Variants in MYO15B observed in about 807,000 individuals in gnomAD.
MYO15B encodes the protein myosin XVB pseudogene.
A neutral mutation model predicts 119.3 loss-of-function variants in MYO15B; 207 were observed. That is an observed-to-expected ratio of 1.73 (90% CI 1.55 to 1.95). The LOEUF (loss-of-function observed/expected upper bound fraction) is 1.95, where lower values mean the gene tolerates loss of function less well. MYO15B is among the 30% of genes most tolerant of loss of function. MYO15B has a pLI of 0.00. For synonymous variants in MYO15B, 966 were observed against 498.9 expected (o/e 1.94, Z -12.48); for missense variants, 2,264 against 1,203.1 (o/e 1.88, Z -13.04).
intron 14 of MYO15B, among the ~76,000 whole-genome samples, chr17:75,600,039 T>C (rs1045079053): frequency 6.7e-6 from 1 of 149,514 alleles, no homozygotes; most frequent in African/African-American, 2.5e-5. Context: ...CTTTTTTTTT[T>C]TTGAGACAGA....
At chr17:75,611,537 G>C (rs2058029982) in intron 23 of MYO15B, 64 bp from the exon 24 acceptor site, 1 of 698,168 alleles carries the variant, frequency 1.4e-6, no homozygotes, top group South Asian at 1.5e-5. Flanking sequence ...TTGAGGGTGT[G>C]GGGAGGGACA....
chr17:75,621,106 T>C, exon 50 of MYO15B: 1 of 702,852 alleles, frequency 1.4e-6, no homozygotes, highest in East Asian at 2.7e-5. Context: ...GGCCTATGCC[T>C]TTCTGCCCGA....
At chr17:75,604,876 C>T (rs1319244333) in intron 19 of MYO15B, among the ~76,000 whole-genome samples, 4 of 152,276 alleles carry the variant, frequency 2.6e-5, no homozygotes, top group East Asian at 1.9e-4. Context: ...CAGTGGCTCA[C>T]GCCTGTAATC....
intron 37 of MYO15B, 39 bp from the exon 38 acceptor site, chr17:75,616,273 C>G (rs1261753521): frequency 3.4e-6 from 2 of 596,548 alleles, no homozygotes; most frequent in Non-Finnish European, 6.0e-6. Flanking sequence ...CCAGCTGGGC[C>G]AGTATGGGTA....
Position 75,626,471 on chromosome 17 carries a change from C to G in MYO15B, c.9278C>G (p.Pro3093Arg), listed in dbSNP as rs574611587. 55 of 703,236 alleles carry G rather than the reference C, an allele frequency of 7.8e-5. No homozygotes were observed. In the Middle Eastern group the frequency reaches 1.1e-3, roughly 15 times the overall value. 43.6% of individuals were successfully genotyped at this position (703,236 alleles called of 1,614,324 possible). Reference sequence around the variant, plus strand: ...AGCAGTGCCTCTTGCACTGAGTGGCCCAGCATCAACTGAGAGGAGTGCAGG... The same window carrying G: ...AGCAGTGCCTCTTGCACTGAGTGGCGCAGCATCAACTGAGAGGAGTGCAGG... The change falls in exon 64 of 64, where the codon CCC (proline) becomes CGC (arginine). Residue 3093 changes from proline to arginine, a missense_variant. Physicochemically the swap from Pro to Arg is moderately radical, Grantham distance 103. Coordinates refer to ENST00000645453, the Ensembl canonical transcript of MYO15B.
At position 75,589,433 on chromosome 17, in the gene MYO15B, G is replaced by T. The variant is rs1389154710; in HGVS notation, c.1376G>T (p.Gly459Val). 3 of 395,170 alleles carry T rather than the reference G, an allele frequency of 7.6e-6. No individual in the cohort carries two copies. Among genetic ancestry groups the T allele is most frequent in the African/African-American group, 2.1e-5 (1 of 48,472 alleles). 24.5% of individuals were successfully genotyped at this position (395,170 alleles called of 1,614,324 possible). Residue 459 changes from glycine to valine, a missense_variant, in exon 1 of 64, where the codon GGG becomes GTG. Coordinates refer to ENST00000645453, the Ensembl canonical transcript of MYO15B. This position sits in a 1 kb window ranked among gnomAD's most constrained non-coding sequence, Gnocchi z 4.2. ...CGGGGCCACGAGCGAGGGTACGAGGGGCGGGGCTGCGGGAAAGCGGACGAG... is the reference window on the plus strand; with the variant it reads ...CGGGGCCACGAGCGAGGGTACGAGGTGCGGGGCTGCGGGAAAGCGGACGAG...
chr17:75,594,331 G>T (rs1411764100), intron 9 of MYO15B, 144 bp from the exon 10 acceptor site: 1 of 502,856 alleles, frequency 2.0e-6, no homozygotes, highest in Admixed American at 3.7e-5. Flanking sequence ...CCATAGCCTC[G>T]CTCCTAATGG....
At position 75,613,752 on chromosome 17, in the gene MYO15B, C is replaced by A. The variant is rs139523993; in HGVS notation, c.5194C>A (p.Leu1732Met). 3.8e-3 allele frequency: 2,681 copies of A among 702,458 alleles called. 36 individuals are homozygous for A. The highest frequency in any genetic ancestry group is 0.019 in the African/African-American group (1,112 of 57,350). The allele number at this position is 702,458 out of a possible 1,614,324, so 43.5% of individuals were successfully genotyped here. ...GGAGTCTTGGACCACCGGGGAGCAG[C>A]TGGCTGGGTGGATCCTGCAGAGCAG... Residue 1732 changes from leucine to methionine, a missense_variant, in exon 29 of 64, where the codon CTG (leucine) becomes ATG (methionine). Physicochemically the swap from Leu to Met is conservative, Grantham distance 15 (BLOSUM62 2). Transcript: ENST00000645453.
At chr17:75,604,753 A>G (rs1343501460) in intron 19 of MYO15B, among the ~76,000 whole-genome samples, 1 of 151,760 alleles carries the variant, frequency 6.6e-6, no homozygotes, top group African/African-American at 2.4e-5. Context: ...CTCAGCCCCC[A>G]GCTGAGCGCC....
chr17:75,604,375 T>A (rs1475301319), intron 19 of MYO15B, among the ~76,000 whole-genome samples: 1 of 151,994 alleles, frequency 6.6e-6, no homozygotes, highest in Non-Finnish European at 1.5e-5. Flanking sequence ...GCTTGCTTGG[T>A]ACAGACTAAC....
chr17:75,616,236 C>A, intron 37 of MYO15B, 76 bp from the exon 38 acceptor site: 1 of 589,498 alleles, frequency 1.7e-6, no homozygotes, highest in Non-Finnish European at 3.0e-6. Context: ...CTCTGCTCCC[C>A]GGAGTTGGTG....
chr17:75,597,995 C>T (rs2056979653), intron 14 of MYO15B, among the ~76,000 whole-genome samples: 2 of 151,934 alleles, frequency 1.3e-5, no homozygotes, highest in Admixed American at 6.6e-5. Context: ...CGTGGGTGGG[C>T]GTGTGGGGCA....
chr17:75,612,717 C>T, intron 25 of MYO15B, 81 bp from the exon 26 acceptor site: 1 of 690,278 alleles, frequency 1.4e-6, no homozygotes. Context: ...TCTGCCTCTC[C>T]CGAGGTGCCT....
rs540390870 is a variant in MYO15B, at chr17:75,613,071, G to C, written c.4829G>C (p.Arg1610Pro). ...CAGGGGCAGTGCCGGCCAGGGCTGC[G>C]GAATGAGCTCTTTAGCCAGCTGGTG... The change falls in exon 27 of 64, where the codon CGG (arginine) becomes CCG (proline). Residue 1610 changes from arginine (R) to proline (P), a missense_variant. Transcript: ENST00000645453. The C allele has an allele frequency of 4.3e-6, 3 of 702,508 alleles. No individual in the cohort carries two copies. The Admixed American group carries it at 6.0e-5, about 14-fold the overall frequency. The allele number at this position is 702,508 out of a possible 1,614,324, so 43.5% of individuals were successfully genotyped here.
At chr17:75,621,681 C>G (rs2058721170) in intron 52 of MYO15B, 111 bp downstream of exon 52, 1 of 629,516 alleles carries the variant, frequency 1.6e-6, no homozygotes, top group African/African-American at 1.8e-5. Flanking sequence ...TCTGCCAACT[C>G]CGGGAAGCTC....
intron 55 of MYO15B, 21 bp from the exon 56 acceptor site, chr17:75,624,154 C>T: frequency 1.4e-6 from 1 of 702,852 alleles, no homozygotes; most frequent in Non-Finnish European, 2.6e-6. Context: ...ATCTCATAAC[C>T]CCAGGCTGGC....
intron 12 of MYO15B, among the ~76,000 whole-genome samples, chr17:75,595,855 G>T (rs551645636): frequency 6.6e-6 from 1 of 152,358 alleles, no homozygotes; most frequent in East Asian, 1.9e-4. Context: ...AGGACAGCCA[G>T]GAGGGGGCTG....
At chr17:75,618,779 C>T (rs1224051550) in intron 43 of MYO15B, among the ~76,000 whole-genome samples, 3 of 134,826 alleles carry the variant, frequency 2.2e-5, no homozygotes, top group Non-Finnish European at 5.1e-5. Context: ...CACTTTGCCA[C>T]CTCTGAACGC....
chr17:75,591,582 C>T lies in MYO15B; in HGVS notation c.2436-19C>T, dbSNP rs1242946933. 4.3e-6 allele frequency: 3 copies of T among 702,784 alleles called. No homozygotes were observed. Among genetic ancestry groups the T allele is most frequent in the Middle Eastern group, 2.3e-4 (1 of 4,366 alleles). 43.5% of individuals were successfully genotyped at this position (702,784 alleles called of 1,614,324 possible). On this transcript the variant is annotated intron_variant, in intron 4 of 63. Coordinates refer to ENST00000645453, the Ensembl canonical transcript of MYO15B. ...TATGTGCCCCTCCCTGGAGACCCTA[C>T]CAACCAACACATCCTTAGCTCCTCC...
Sources: gnomAD v4.1 joint callset for allele counts (sites outside exome capture counted in the v4.1 genomes callset) on GRCh38, gnomAD v4.1.1 for gene constraint, Gnocchi (gnomAD v3.1) non-coding constraint, MANE v1.5 for transcripts, NCBI Gene and HGNC (gene_info 2026-07-23, HGNC 2026-07-21) for gene names.